DPP6: variants seen among roughly 807,000 people sequenced by gnomAD.
DPP6 encodes the protein A-type potassium channel modulatory protein DPP6.
Under a neutral mutation model 122.6 loss-of-function variants are expected in DPP6, and 69 were observed. The observed-to-expected ratio is 0.56, with a 90% CI of 0.46 to 0.69. DPP6 has a LOEUF of 0.69. DPP6 is among the 30% of genes least tolerant of loss of function. The probability of loss-of-function intolerance (pLI) is 0.00; values close to 1 mark genes in which losing one functional copy is unlikely to be tolerated. For synonymous variants in DPP6, 418 were observed against 433.1 expected, an observed-to-expected ratio of 0.97 and a Z score of 0.43; for missense variants, 928 against 1,116.9, an observed-to-expected ratio of 0.83 and a Z score of 2.41.
the DPP6 span, among the ~76,000 whole-genome samples, chr7:153,857,528 C>T: frequency 1.3e-5 from 2 of 152,134 alleles, no homozygotes; most frequent in Non-Finnish European, 2.9e-5. Context: ...GACTTAGGAA[C>T]AAAGCCATGA....
chr7:154,289,396 T>G (rs564053571), intron 1 of DPP6, among the ~76,000 whole-genome samples: 12 of 152,280 alleles, frequency 7.9e-5, no homozygotes, highest in African/African-American at 2.9e-4. Context: ...TGATCCTGAC[T>G]TTGACCTATG....
intron 1 of DPP6, among the ~76,000 whole-genome samples, chr7:154,112,036 C>T (rs565015385): frequency 6.6e-6 from 1 of 152,238 alleles, no homozygotes; most frequent in Admixed American, 6.5e-5. Flanking sequence ...TTTACTCTCC[C>T]AGATTCTCCT....
At chr7:153,972,567 C>T (rs1287163901) in intron 1 of DPP6, among the ~76,000 whole-genome samples, 1 of 144,208 alleles carries the variant, frequency 6.9e-6, no homozygotes, top group East Asian at 2.1e-4. Flanking sequence ...TATCTTCAGA[C>T]AAGCTGCAAT....
chr7:153,808,713 G>T, the DPP6 span, among the ~76,000 whole-genome samples: 8 of 151,912 alleles, frequency 5.3e-5, no homozygotes, highest in Non-Finnish European at 1.2e-4. Flanking sequence ...TCGTATTCTT[G>T]TAAATAGCAG....
At chr7:154,623,550 G>A (rs1478343919) in intron 5 of DPP6, among the ~76,000 whole-genome samples, 29 of 151,162 alleles carry the variant, frequency 1.9e-4, no homozygotes, top group South Asian at 2.1e-4. Context: ...ACACACACAC[G>A]CACACACGCA....
chr7:154,699,210 A>T (rs145824997), intron 7 of DPP6, among the ~76,000 whole-genome samples: 24 of 152,228 alleles, frequency 1.6e-4, no homozygotes, highest in African/African-American at 5.3e-4. Flanking sequence ...GTAGCATTTT[A>T]CTCTTGCTAG....
chr7:154,768,505 T>G (rs1368548736), intron 8 of DPP6, among the ~76,000 whole-genome samples: 1 of 152,180 alleles, frequency 6.6e-6, no homozygotes, highest in Admixed American at 6.5e-5. Flanking sequence ...AGGGAATTAG[T>G]TTACACTATA....
chr7:154,274,050 T>C (rs77320676), intron 1 of DPP6, among the ~76,000 whole-genome samples: 3,255 of 152,318 alleles, frequency 0.021, 130 homozygotes, highest in African/African-American at 0.074. Context: ...ATATGGGAAC[T>C]GTGAGCCCTG....
At chr7:154,574,597 GTGTA>G (rs1470484430) in intron 5 of DPP6, among the ~76,000 whole-genome samples, 2 of 128,336 alleles carry the variant, frequency 1.6e-5, no homozygotes, top group African/African-American at 2.9e-5. Flanking sequence ...GTGTGTGGGA[GTGTA>G]TGTGAGTTTG....
chr7:154,336,817 G>A (rs993516640), intron 1 of DPP6, among the ~76,000 whole-genome samples: 8 of 152,120 alleles, frequency 5.3e-5, no homozygotes, highest in African/African-American at 1.9e-4. Flanking sequence ...TGATTCCCAG[G>A]AAGTGGGCAG....
chr7:154,085,841 C>G (rs1263912566), intron 1 of DPP6, among the ~76,000 whole-genome samples: 1 of 152,172 alleles, frequency 6.6e-6, no homozygotes, highest in East Asian at 1.9e-4. Flanking sequence ...GGTTCTTCTG[C>G]CTCAGCCTCC....
chr7:154,072,932 G>C (rs1041860794), intron 1 of DPP6, among the ~76,000 whole-genome samples: 41 of 152,260 alleles, frequency 2.7e-4, no homozygotes, highest in African/African-American at 9.9e-4. Context: ...AGAGCCGGGG[G>C]ACCCACACGC....
upstream of DPP6, among the ~76,000 whole-genome samples, chr7:154,050,611 TTCTA>T: frequency 6.6e-6 from 1 of 150,690 alleles, no homozygotes; most frequent in Non-Finnish European, 1.5e-5. Flanking sequence ...GAGCAAGGTT[TTCTA>T]TCTATCTAAT....
Position 154,554,822 on chromosome 7 carries a change from G to A in DPP6, c.553-12020G>A, listed in dbSNP as rs553429231. On this transcript the variant is annotated intron_variant, in intron 4 of 25. Transcript: ENST00000377770. ...CCAAAATCATAATATGCTAAAGTCA[G>A]GTTTAATGATTACAACAGCATTTAA... Among the ~76,000 whole-genome samples, 41 of 152,138 alleles carry A rather than the reference G, an allele frequency of 2.7e-4. No homozygotes were observed. In the South Asian group the frequency reaches 8.5e-3, roughly 32 times the overall value.
intron 1 of DPP6, among the ~76,000 whole-genome samples, chr7:154,243,276 AAGGAAAACAACAGTCAAT>A: frequency 6.6e-6 from 1 of 152,296 alleles, no homozygotes; most frequent in South Asian, 2.1e-4. Context: ...ACCCATGATC[AAGGAAAACAACAGTCAAT>A]AGAAACAAGC....
intron 17 of DPP6, among the ~76,000 whole-genome samples, chr7:154,858,724 C>T (rs1803051091): frequency 6.6e-6 from 1 of 152,192 alleles, no homozygotes; most frequent in Non-Finnish European, 1.5e-5. Flanking sequence ...TGCAGCAGCT[C>T]AGCCTCCATG....
At chr7:153,916,362 C>G (rs1228401251) in intron 1 of DPP6, among the ~76,000 whole-genome samples, 3 of 144,144 alleles carry the variant, frequency 2.1e-5, no homozygotes, top group Admixed American at 7.0e-5. Flanking sequence ...CCCTCCTGTC[C>G]CCTCCTATCT....
chr7:154,083,086 T>G (rs1301023380), intron 1 of DPP6, among the ~76,000 whole-genome samples: 3 of 152,092 alleles, frequency 2.0e-5, no homozygotes, highest in Non-Finnish European at 4.4e-5. Flanking sequence ...CCTGACCTCG[T>G]GATCCGCCCA....
At chr7:154,778,805 A>G (rs1424713436) in intron 10 of DPP6, among the ~76,000 whole-genome samples, 2 of 143,326 alleles carry the variant, frequency 1.4e-5, no homozygotes, top group Non-Finnish European at 3.0e-5. Context: ...CACCTCCACA[A>G]CCTCTACAAC....
Sources: gnomAD v4.1 joint callset for allele counts (sites outside exome capture counted in the v4.1 genomes callset) on GRCh38, gnomAD v4.1.1 for gene constraint, MANE v1.5 for transcripts, NCBI Gene and HGNC (gene_info 2026-07-23, HGNC 2026-07-21) for gene names.